The following IQCM variants were observed in gnomAD, a reference collection of about 807,000 sequenced individuals.
IQCM encodes the protein IQ motif containing M.
IQCM carries 45 observed loss-of-function variants against 57.6 expected under a neutral mutation model. The ratio of observed to expected loss-of-function variants is 0.78; its 90% CI spans 0.62 to 1.00. IQCM has a LOEUF of 1.00. IQCM is among the 50% of genes least tolerant of loss of function. The pLI is 0.00. For synonymous variants in IQCM, 148 were observed against 158.9 expected, an observed-to-expected ratio of 0.93 and a Z score of 0.51; for missense variants, 468 against 511.6, an observed-to-expected ratio of 0.91 and a Z score of 0.82.
chr4:149,613,487 T>C (rs1755490538), intron 8 of IQCM, among the ~76,000 whole-genome samples: 1 of 152,134 alleles, frequency 6.6e-6, no homozygotes, highest in Non-Finnish European at 1.5e-5. Context: ...AAATTTCGTA[T>C]ATTAAAATCT....
At chr4:149,576,549 T>C (rs1196606549) in intron 9 of IQCM, among the ~76,000 whole-genome samples, 1 of 151,948 alleles carries the variant, frequency 6.6e-6, no homozygotes, top group Non-Finnish European at 1.5e-5. Flanking sequence ...TCCAGCTATA[T>C]CCATGTTACT....
At chr4:149,744,746 G>T (rs1438370027) in intron 2 of IQCM, among the ~76,000 whole-genome samples, 1 of 152,070 alleles carries the variant, frequency 6.6e-6, no homozygotes, top group Non-Finnish European at 1.5e-5. Context: ...GTTACGAGAT[G>T]CTGAGTCCTT....
chr4:149,580,818 T>G (rs559109829), intron 9 of IQCM, among the ~76,000 whole-genome samples: 1 of 151,688 alleles, frequency 6.6e-6, no homozygotes. Context: ...TATACACAGA[T>G]GGAAGAGAAA....
At chr4:149,570,757 C>G (rs1436517527) in intron 9 of IQCM, among the ~76,000 whole-genome samples, 2 of 152,064 alleles carry the variant, frequency 1.3e-5, no homozygotes, top group South Asian at 2.1e-4. Context: ...ATTCCTTATT[C>G]CACATTTACT....
intron 8 of IQCM, among the ~76,000 whole-genome samples, chr4:149,610,795 G>A (rs189551932): frequency 7.4e-4 from 112 of 152,182 alleles, no homozygotes; most frequent in African/African-American, 2.5e-3. Context: ...AAACACTCTA[G>A]GATGTAGGTC....
At chr4:149,534,993 G>A (rs1320307269) in intron 12 of IQCM, among the ~76,000 whole-genome samples, 2 of 152,026 alleles carry the variant, frequency 1.3e-5, no homozygotes, top group Non-Finnish European at 2.9e-5. Flanking sequence ...TGCATGACAG[G>A]CTTCACAGCA....
intron 10 of IQCM, among the ~76,000 whole-genome samples, chr4:149,561,465 A>C (rs1188827928): frequency 6.6e-6 from 1 of 152,192 alleles, no homozygotes; most frequent in Non-Finnish European, 1.5e-5. Flanking sequence ...AATTATATCA[A>C]TTCATCCACT....
chr4:149,556,781 A>C lies in IQCM; in HGVS notation c.949-3494T>G, dbSNP rs546888434. Among the ~76,000 whole-genome samples, 74 of 152,332 alleles carry C rather than the reference A, an allele frequency of 4.9e-4. 1 individual carries two copies. The South Asian group carries it at 0.015, about 32-fold the overall frequency. ...TCACTTCCCCATCCACTAAGAAACT[A>C]GCGAAGACCTTATCCATGCATAGCT... On this transcript the variant is annotated intron_variant, in intron 10 of 13. Transcript: ENST00000636793.
intron 2 of IQCM, among the ~76,000 whole-genome samples, chr4:149,750,095 A>G (rs938460099): frequency 2.6e-5 from 4 of 152,190 alleles, no homozygotes; most frequent in Non-Finnish European, 4.4e-5. Context: ...ATAACCTCTC[A>G]TGAATTTTTG....
At chr4:149,539,689 C>T (rs566084345) in intron 12 of IQCM, among the ~76,000 whole-genome samples, 18 of 151,992 alleles carry the variant, frequency 1.2e-4, no homozygotes, top group East Asian at 5.8e-4. Flanking sequence ...GGTGAAACCC[C>T]GTCTCTACTA....
chr4:149,366,014 G>A lies in IQCM; in HGVS notation c.1391-13948C>T, dbSNP rs985519640. 5.3e-5 allele frequency among the ~76,000 whole-genome samples: 8 copies of A among 152,166 alleles called. 1 individual carries two copies. In the South Asian group the frequency reaches 1.4e-3, roughly 28 times the overall value. On this transcript the variant is annotated intron_variant, in intron 13 of 13. Coordinates refer to ENST00000636793, the MANE Select transcript of IQCM (RefSeq NM_001363507.2). Reference sequence around the variant, plus strand: ...TCTTAGTTTTCACAATTGTACCACAGTTATCTCATAGATGTTAATAGGAGA... The same window carrying A: ...TCTTAGTTTTCACAATTGTACCACAATTATCTCATAGATGTTAATAGGAGA...
chr4:149,405,850 T>TTTCA (rs1732938736), intron 13 of IQCM, among the ~76,000 whole-genome samples: 1 of 144,946 alleles, frequency 6.9e-6, no homozygotes, highest in South Asian at 2.2e-4. Context: ...TATATATATA[T>TTTCA]GCTCCAGATA....
At chr4:149,695,091 A>AT (rs796522630) in intron 5 of IQCM, among the ~76,000 whole-genome samples, 51 of 152,268 alleles carry the variant, frequency 3.3e-4, no homozygotes, top group South Asian at 8.3e-4. Context: ...ATGTCATATA[A>AT]TTTTCTACTG....
chr4:149,610,024 T>G (rs1755137751), intron 8 of IQCM, among the ~76,000 whole-genome samples: 1 of 151,836 alleles, frequency 6.6e-6, no homozygotes, highest in Non-Finnish European at 1.5e-5. Flanking sequence ...ATAAACAAAT[T>G]CAGCAAAATT....
In IQCM at chr4:149,785,100, T is replaced by A. The variant is rs1008570713; in HGVS notation, c.-49+30211A>T. 2.6e-5 allele frequency among the ~76,000 whole-genome samples: 4 copies of A among 152,354 alleles called. No homozygotes were observed. In the East Asian group the frequency reaches 7.7e-4, roughly 29 times the overall value. On this transcript the variant is annotated intron_variant, in intron 2 of 13. Coordinates refer to ENST00000636793, the MANE Select transcript of IQCM (RefSeq NM_001363507.2). ...AAAATGCATCCATGGCTATAATAGA[T>A]GCTAACTTCCTGATTCCTTACGATC... is the stretch of plus-strand genomic sequence containing the variant.
rs1001065503 is a variant in IQCM at position 149,378,567 on chromosome 4, C to G, written c.1391-26501G>C. ...CTGCCCTTTTTTGAGATTTGTCTGACTTTGAACTTGAGAGAGAGAACTTAG... is the reference window on the plus strand; with the variant it reads ...CTGCCCTTTTTTGAGATTTGTCTGAGTTTGAACTTGAGAGAGAGAACTTAG... On this transcript the variant is annotated intron_variant, in intron 13 of 13. Transcript: ENST00000636793. Among the ~76,000 whole-genome samples the G allele has an allele frequency of 2.0e-5, 3 of 152,026 alleles. No individual in the cohort carries two copies. In the South Asian group the frequency reaches 6.2e-4, roughly 32 times the overall value.
chr4:149,688,480 A>G (rs1762709302), intron 5 of IQCM, among the ~76,000 whole-genome samples: 1 of 152,140 alleles, frequency 6.6e-6, no homozygotes, highest in South Asian at 2.1e-4. Context: ...AACACATGCC[A>G]TGCTCATGGA....
intron 8 of IQCM, among the ~76,000 whole-genome samples, chr4:149,598,355 T>C (rs1027651464): frequency 1.3e-5 from 2 of 152,122 alleles, no homozygotes; most frequent in Non-Finnish European, 2.9e-5. Flanking sequence ...GTAGGGAGTT[T>C]AAGGTAAAAT....
chr4:149,683,489 T>C (rs968783239), intron 6 of IQCM, among the ~76,000 whole-genome samples: 2 of 151,298 alleles, frequency 1.3e-5, no homozygotes, highest in Non-Finnish European at 1.5e-5. Context: ...AATTTGACTG[T>C]CACTCATGTG....
Sources: allele counts gnomAD v4.1 joint callset (sites outside exome capture counted in the v4.1 genomes callset), GRCh38; gene constraint gnomAD v4.1.1; transcripts MANE v1.5; gene names NCBI Gene and HGNC (gene_info 2026-07-23, HGNC 2026-07-21).